The following NRG3 variants were observed in gnomAD, a reference collection of about 807,000 sequenced individuals.
NRG3 encodes the protein neuregulin 3, also known as pro-neuregulin-3, membrane-bound isoform.
NRG3 carries 31 observed loss-of-function variants against 66.9 expected under a neutral mutation model. That is an observed-to-expected ratio of 0.46 (90% CI 0.35 to 0.63). NRG3 has a LOEUF of 0.63. NRG3 is among the 20% of genes least tolerant of loss of function. NRG3 has a pLI of 0.00. For missense variants in NRG3, 910 were observed against 878.9 expected, an observed-to-expected ratio of 1.04 and a Z score of -0.45; for synonymous variants, 393 against 359.4, an observed-to-expected ratio of 1.09 and a Z score of -1.06.
chr10:82,953,432 C>T (rs576576642), intron 5 of NRG3, among the ~76,000 whole-genome samples: 8 of 152,082 alleles, frequency 5.3e-5, no homozygotes, highest in South Asian at 2.1e-4. Context: ...GGTGGAGCTG[C>T]GCAGAGCGAG....
intron 1 of NRG3, among the ~76,000 whole-genome samples, chr10:82,023,845 T>C (rs1242404249): frequency 6.6e-6 from 1 of 152,080 alleles, no homozygotes; most frequent in Non-Finnish European, 1.5e-5. Flanking sequence ...GGTTTTGGTA[T>C]CAGGGTAATG....
intron 2 of NRG3, among the ~76,000 whole-genome samples, chr10:82,644,425 C>T (rs997773886): frequency 3.3e-5 from 5 of 152,056 alleles, no homozygotes; most frequent in Non-Finnish European, 7.4e-5. Context: ...GGGCAGATGC[C>T]TTTTCTCTTC....
At chr10:81,888,707 G>A (rs1486937688) in intron 1 of NRG3, among the ~76,000 whole-genome samples, 1 of 152,082 alleles carries the variant, frequency 6.6e-6, no homozygotes, top group Non-Finnish European at 1.5e-5. Context: ...GTAGACAGAC[G>A]GCCTCACCTT....
chr10:82,105,559 A>G (rs1393504087), intron 1 of NRG3, among the ~76,000 whole-genome samples: 1 of 152,076 alleles, frequency 6.6e-6, no homozygotes, highest in Non-Finnish European at 1.5e-5. Flanking sequence ...CTTTGTGTAG[A>G]GGAGGTTCTT....
chr10:82,299,850 A>G (rs2080292130), intron 1 of NRG3, among the ~76,000 whole-genome samples: 1 of 152,168 alleles, frequency 6.6e-6, no homozygotes, highest in Non-Finnish European at 1.5e-5. Flanking sequence ...AAAACCATCA[A>G]TGTATTTTAG....
chr10:82,461,396 T>C (rs181144512), intron 2 of NRG3, among the ~76,000 whole-genome samples: 2 of 152,262 alleles, frequency 1.3e-5, no homozygotes, highest in Admixed American at 1.3e-4. Flanking sequence ...CCACTTCCAC[T>C]GTGTGTCAAG....
intron 2 of NRG3, among the ~76,000 whole-genome samples, chr10:82,507,975 A>G (rs1273977613): frequency 6.6e-6 from 1 of 152,220 alleles, no homozygotes; most frequent in African/African-American, 2.4e-5. Flanking sequence ...TTGCCTATCC[A>G]ATAGCATTTC....
chr10:82,822,316 G>A (rs1448128686), intron 3 of NRG3, among the ~76,000 whole-genome samples: 4 of 152,064 alleles, frequency 2.6e-5, no homozygotes, highest in African/African-American at 9.7e-5. Context: ...CAGGACAGGT[G>A]TTGATGCACA....
At chr10:82,845,133 C>A (rs776282264) in intron 3 of NRG3, among the ~76,000 whole-genome samples, 1 of 151,978 alleles carries the variant, frequency 6.6e-6, no homozygotes, top group African/African-American at 2.4e-5. Flanking sequence ...CCAGCCTGGG[C>A]GATAAAGCGA....
In NRG3 at chr10:82,852,044, G is replaced by A. The variant is rs1000866964; in HGVS notation, c.1028-13367G>A. Among the ~76,000 whole-genome samples the A allele has an allele frequency of 3.3e-5, 5 of 152,158 alleles. No individual in the cohort carries two copies. The South Asian group carries it at 8.3e-4, about 25-fold the overall frequency. ...AAATGAAGCTTACCAGACTGCATATGAGCAAGGCGGGACTTTGGAATTGGA... is the reference window on the plus strand; with the variant it reads ...AAATGAAGCTTACCAGACTGCATATAAGCAAGGCGGGACTTTGGAATTGGA... On this transcript the variant is annotated intron_variant, in intron 3 of 8. Coordinates refer to ENST00000372141, the MANE Select transcript of NRG3 (RefSeq NM_001010848.4).
intron 3 of NRG3, among the ~76,000 whole-genome samples, chr10:82,822,811 A>AACTGAAGC (rs2062011029): frequency 6.6e-6 from 1 of 152,018 alleles, no homozygotes; most frequent in Non-Finnish European, 1.5e-5. Context: ...GAACCCAGAC[A>AACTGAAGC]ACTGAAGCTA....
At chr10:82,035,283 A>G (rs1008303226) in intron 1 of NRG3, among the ~76,000 whole-genome samples, 27 of 152,140 alleles carry the variant, frequency 1.8e-4, no homozygotes, top group Admixed American at 7.2e-4. Flanking sequence ...AGTAAAACAT[A>G]CGAAAACATG....
intron 4 of NRG3, among the ~76,000 whole-genome samples, chr10:82,935,467 A>T (rs926504275): frequency 2.6e-5 from 4 of 152,202 alleles, no homozygotes; most frequent in Admixed American, 6.5e-5. Flanking sequence ...TGACTTTACC[A>T]TATGACAGAA....
intron 1 of NRG3, among the ~76,000 whole-genome samples, chr10:82,167,052 A>C (rs1018233817): frequency 1.3e-5 from 2 of 151,948 alleles, no homozygotes; most frequent in African/African-American, 4.8e-5. Context: ...CAGATTTTTA[A>C]AAATTTGATT....
chr10:82,132,824 T>G (rs2069031152), intron 1 of NRG3, among the ~76,000 whole-genome samples: 1 of 151,630 alleles, frequency 6.6e-6, no homozygotes. Flanking sequence ...ATCTAGGAAT[T>G]TATCCTTTTC....
At chr10:82,317,000 C>T (rs2081330192) in intron 1 of NRG3, among the ~76,000 whole-genome samples, 1 of 152,134 alleles carries the variant, frequency 6.6e-6, no homozygotes, top group African/African-American at 2.4e-5. Context: ...TGCCAATTAG[C>T]TTACCTTTCC....
intron 1 of NRG3, among the ~76,000 whole-genome samples, chr10:82,142,113 C>G (rs1156248156): frequency 6.6e-6 from 1 of 152,132 alleles, no homozygotes; most frequent in Non-Finnish European, 1.5e-5. Flanking sequence ...CCTGGTAGCT[C>G]TTACTAATTC....
intron 1 of NRG3, among the ~76,000 whole-genome samples, chr10:82,099,674 T>C (rs1157934164): frequency 3.9e-5 from 6 of 152,160 alleles, no homozygotes; most frequent in South Asian, 2.1e-4. Flanking sequence ...TGATATCTTA[T>C]TAATATTGTC....
chr10:82,870,867 G>A (rs907565984), intron 4 of NRG3, among the ~76,000 whole-genome samples: 1 of 152,100 alleles, frequency 6.6e-6, no homozygotes, highest in African/African-American at 2.4e-5. Context: ...TCATTCTGCG[G>A]CTTTTCCCTT....
Sources: gnomAD v4.1 joint callset for allele counts (sites outside exome capture counted in the v4.1 genomes callset) on GRCh38, gnomAD v4.1.1 for gene constraint, MANE v1.5 for transcripts, NCBI Gene and HGNC (gene_info 2026-07-23, HGNC 2026-07-21) for gene names.